The following SYNPR variants were observed in gnomAD, a reference collection of about 807,000 sequenced individuals.
The protein encoded by SYNPR is synaptoporin.
A neutral mutation model predicts 32.9 loss-of-function variants in SYNPR; 23 were observed. The observed-to-expected ratio is 0.70, with a 90% CI of 0.50 to 0.99. SYNPR has a LOEUF of 0.99. Among genes scored for constraint, SYNPR ranks in the 50% least tolerant of loss-of-function variants. The pLI is 0.00. For missense variants in SYNPR, 318 were observed against 349.3 expected (o/e 0.91, Z 0.71); for synonymous variants, 146 against 135.9 (o/e 1.07, Z -0.52).
intron 2 of SYNPR, among the ~76,000 whole-genome samples, chr3:63,340,699 G>T (rs562556147): frequency 6.6e-6 from 1 of 152,138 alleles, no homozygotes; most frequent in African/African-American, 2.4e-5. Context: ...GATTACAGGC[G>T]TGAGCCACCG....
chr3:63,261,260 T>G (rs898416861), intron 2 of SYNPR, among the ~76,000 whole-genome samples: 1 of 152,110 alleles, frequency 6.6e-6, no homozygotes, highest in Non-Finnish European at 1.5e-5. Context: ...TAAAGACACA[T>G]GCACATGTAT....
chr3:63,584,853 G>A (rs1183630562), intron 4 of SYNPR, among the ~76,000 whole-genome samples: 3 of 152,072 alleles, frequency 2.0e-5, no homozygotes, highest in Non-Finnish European at 4.4e-5. Context: ...TTTCCTCATA[G>A]GCTAAGACTT....
rs957667864 is a variant in SYNPR, at chr3:63,518,214, G to A, written c.209+37258G>A. On this transcript the variant is annotated intron_variant, in intron 3 of 5. Coordinates refer to ENST00000478300, the MANE Select transcript of SYNPR (RefSeq NM_001130003.2). ...ATGAGATGAAGAAGAGGCAGAGGGG[G>A]AGGGGGGCTAAATGGAAACTTGTTA... Among the ~76,000 whole-genome samples, 14 of 152,182 alleles carry A rather than the reference G, an allele frequency of 9.2e-5. No individual in the cohort carries two copies. In the South Asian group the frequency reaches 2.9e-3, roughly 32 times the overall value.
intron 2 of SYNPR, among the ~76,000 whole-genome samples, chr3:63,374,304 GGTTTT>G (rs1255954347): frequency 1.3e-5 from 1 of 74,548 alleles, no homozygotes; most frequent in Non-Finnish European, 2.4e-5. Context: ...ATAATTATGT[GGTTTT>G]GTTTTTAGTC....
chr3:63,518,632 T>C (rs1701844156), intron 3 of SYNPR, among the ~76,000 whole-genome samples: 1 of 152,174 alleles, frequency 6.6e-6, no homozygotes, highest in Admixed American at 6.5e-5. Context: ...TGTGGGCAAG[T>C]TACCTAACAT....
At chr3:63,584,173 G>A (rs138374715) in intron 4 of SYNPR, among the ~76,000 whole-genome samples, 3,086 of 152,140 alleles carry the variant, frequency 0.02, 120 homozygotes, top group African/African-American at 0.07. Context: ...AGCCTTGGCC[G>A]GCAGGAGAGC....
chr3:63,421,551 A>G (rs1699798898), intron 2 of SYNPR, among the ~76,000 whole-genome samples: 2 of 152,260 alleles, frequency 1.3e-5, no homozygotes, highest in South Asian at 4.1e-4. Flanking sequence ...ATTAATCTAT[A>G]TTAAAAGAAA....
intron 4 of SYNPR, among the ~76,000 whole-genome samples, chr3:63,606,417 C>CTTTCTTTTTTTTTTTTTT (rs1700120823): frequency 2.9e-5 from 2 of 68,300 alleles, no homozygotes; most frequent in East Asian, 4.1e-4. Flanking sequence ...CAAATCCTTT[C>CTTTCTTTTTTTTTTTTTT]TTTTTTTTTT....
At chr3:63,235,872 A>T (rs1048840447) in intron 1 of SYNPR, among the ~76,000 whole-genome samples, 1 of 152,028 alleles carries the variant, frequency 6.6e-6, no homozygotes, top group Non-Finnish European at 1.5e-5. Context: ...TTTCATTTTG[A>T]TGAAGTCCAA....
Position 63,595,763 on chromosome 3 carries a change from ATATATAATTT to A in SYNPR, c.409-13355_409-13346del, listed in dbSNP as rs1362889073. Among the ~76,000 whole-genome samples, 16 of 49,432 alleles carry A rather than the reference ATATATAATTT, an allele frequency of 3.2e-4. 3 individuals are homozygous for A. Among genetic ancestry groups the A allele is most frequent in the Non-Finnish European group, 4.9e-4 (14 of 28,368 alleles). 32.4% of individuals were successfully genotyped at this position (49,432 alleles called of 152,430 possible). ...TATATATATATATATATATATATATATATATAATTTTATATATATATAGTTATATATATAT... is the reference window on the plus strand; with the variant it reads ...TATATATATATATATATATATATATATATATATATATAGTTATATATATAT... On this transcript the variant is annotated intron_variant, in intron 4 of 5. Transcript: ENST00000478300.
rs2086596229 is a variant in SYNPR at position 63,278,416 on chromosome 3, C to T, written c.-118C>T. ...GCCCCCTGCCCTCGCCGGGCTGCTC[C>T]AGGGTGTCGCTCCTCTGGCTGCTCC... On this transcript the variant is annotated 5_prime_UTR_variant, in exon 1 of 6. Transcript: ENST00000478300. 1.5e-6 allele frequency: 2 copies of T among 1,343,600 alleles called. No individual in the cohort carries two copies. Among genetic ancestry groups the T allele is most frequent in the Non-Finnish European group, 2.0e-6 (2 of 1,000,916 alleles). 83.2% of individuals were successfully genotyped at this position (1,343,600 alleles called of 1,614,324 possible).
At chr3:63,394,252 C>T (rs901143116) in intron 2 of SYNPR, among the ~76,000 whole-genome samples, 1 of 152,192 alleles carries the variant, frequency 6.6e-6, no homozygotes, top group East Asian at 1.9e-4. Context: ...TTTAATCTAA[C>T]TTTCCTTGAC....
upstream of SYNPR, among the ~76,000 whole-genome samples, chr3:63,277,881 T>G (rs1463830371): frequency 6.6e-6 from 1 of 152,198 alleles, no homozygotes; most frequent in Admixed American, 6.5e-5. Flanking sequence ...AAGCACTGCC[T>G]GCCCACAGGA....
At chr3:63,558,915 AAGG>A (rs1393048470) in intron 4 of SYNPR, among the ~76,000 whole-genome samples, 1 of 152,008 alleles carries the variant, frequency 6.6e-6, no homozygotes, top group Non-Finnish European at 1.5e-5. Flanking sequence ...ATACAAATTC[AAGG>A]AGAACAAAAG....
rs1420407276 is a variant in SYNPR at position 63,615,225 on chromosome 3, T to A, written c.602T>A (p.Val201Asp). Residue 201 changes from valine (V) to aspartate (D), a missense_variant and splice_region_variant, in exon 6 of 6, where the codon GTC (valine) becomes GAC (aspartate). Transcript: ENST00000478300. ...PVMSSLNTSV[V>D]FGFLNFILWA... The stretch of plus-strand genomic sequence containing the variant: ...TCATTGGCTTTGATTCTCCTTCAGG[T>A]CTTTGGATTCTTGAACTTTATTCTC... 1 of 1,613,358 alleles carries A rather than the reference T, an allele frequency of 6.2e-7. No individual in the cohort carries two copies. The highest frequency in any genetic ancestry group is 2.2e-5 in the East Asian group (1 of 44,882).
At chr3:63,208,831 T>C in the SYNPR span, among the ~76,000 whole-genome samples, 1 of 152,182 alleles carries the variant, frequency 6.6e-6, no homozygotes, top group African/African-American at 2.4e-5. Flanking sequence ...GTAAGAAACA[T>C]TGATTTGGTA....
intron 4 of SYNPR, among the ~76,000 whole-genome samples, chr3:63,558,995 A>C (rs1156353305): frequency 6.6e-6 from 1 of 152,092 alleles, no homozygotes; most frequent in Non-Finnish European, 1.5e-5. Flanking sequence ...TCATTATAAC[A>C]GAATATCAAG....
chr3:63,276,340 C>T (rs565831365), upstream of SYNPR, among the ~76,000 whole-genome samples: 3 of 152,250 alleles, frequency 2.0e-5, no homozygotes, highest in South Asian at 6.2e-4. Context: ...ACAATCTACC[C>T]TGCCTCTGAT....
chr3:63,261,190 A>G (rs1006719198), intron 2 of SYNPR, among the ~76,000 whole-genome samples: 69 of 152,292 alleles, frequency 4.5e-4, no homozygotes, highest in African/African-American at 1.6e-3. Flanking sequence ...TAGAAATACC[A>G]TTTGACCCAG....
Sources: allele counts gnomAD v4.1 joint callset (sites outside exome capture counted in the v4.1 genomes callset), GRCh38; gene constraint gnomAD v4.1.1; transcripts MANE v1.5; gene names NCBI Gene and HGNC (gene_info 2026-07-23, HGNC 2026-07-21).